The following OPN5 variants were observed in gnomAD, a reference collection of about 807,000 sequenced individuals.
The protein encoded by OPN5 is opsin-5.
A neutral mutation model predicts 41.7 loss-of-function variants in OPN5; 18 were observed. That is an observed-to-expected ratio of 0.43 (90% CI 0.30 to 0.64). The LOEUF is 0.64. Ranked by LOEUF, OPN5 falls within the 30% of genes least tolerant of loss-of-function variation. The pLI, the probability that OPN5 is intolerant of heterozygous loss-of-function variation, is 0.13. For synonymous variants in OPN5, 178 were observed against 164.3 expected (o/e 1.08, Z -0.64); for missense variants, 318 against 434.5 (o/e 0.73, Z 2.38).
intron 4 of OPN5, among the ~76,000 whole-genome samples, chr6:47,803,048 T>C (rs1475353304): frequency 1.3e-5 from 2 of 152,126 alleles, no homozygotes; most frequent in African/African-American, 4.8e-5. Context: ...ATGTCAGAAA[T>C]TTTTTCTTTA....
rs74397847 is a variant in OPN5 at position 47,818,733 on chromosome 6, T to C, written c.1057-5250T>C. On this transcript the variant is annotated intron_variant, in intron 6 of 6. Transcript: ENST00000371211. ...CTATTTTCGGTATTGTTAGATGAGA[T>C]ACCTCGGCAGGCATGGAAAATCAGC... 2.4e-4 allele frequency among the ~76,000 whole-genome samples: 37 copies of C among 152,246 alleles called. 1 individual carries two copies. The East Asian group carries it at 4.8e-3, about 20-fold the overall frequency.
chr6:47,800,156 G>A (rs1023545812), intron 4 of OPN5, among the ~76,000 whole-genome samples: 1 of 152,156 alleles, frequency 6.6e-6, no homozygotes, highest in African/African-American at 2.4e-5. Flanking sequence ...GGTCCTTCCT[G>A]CCTGCTGCAC....
chr6:47,822,024 A>T (rs1581766394), intron 6 of OPN5, among the ~76,000 whole-genome samples: 1 of 151,822 alleles, frequency 6.6e-6, no homozygotes, highest in East Asian at 1.9e-4. Context: ...AGGCAGGAGA[A>T]TCGCTTGAAC....
At chr6:47,819,655 C>A (rs1193354301) in intron 6 of OPN5, among the ~76,000 whole-genome samples, 1 of 151,838 alleles carries the variant, frequency 6.6e-6, no homozygotes, top group Non-Finnish European at 1.5e-5. Flanking sequence ...TTAAGTTCTG[C>A]ACTTCAGAAT....
intron 4 of OPN5, among the ~76,000 whole-genome samples, 185 bp from the exon 5 acceptor site, chr6:47,807,969 C>T (rs1053742578): frequency 6.6e-6 from 1 of 151,170 alleles, no homozygotes; most frequent in Non-Finnish European, 1.5e-5. Context: ...AAATTGTAAT[C>T]ACTTCTTTTG....
intron 4 of OPN5, among the ~76,000 whole-genome samples, chr6:47,799,623 C>G (rs1043817012): frequency 5.3e-5 from 8 of 152,216 alleles, no homozygotes; most frequent in Admixed American, 3.9e-4. Context: ...CGCTGCAACC[C>G]TTCCGGTGCA....
chr6:47,825,599 G>A (rs1449159395), downstream of OPN5: 4 of 152,172 alleles, frequency 2.6e-5, no homozygotes, highest in Admixed American at 2.6e-4. Flanking sequence ...TCCATTGAAT[G>A]TTTGGTGATT....
At chr6:47,812,778 A>G (rs1762291622) in intron 6 of OPN5, among the ~76,000 whole-genome samples, 1 of 152,106 alleles carries the variant, frequency 6.6e-6, no homozygotes, top group African/African-American at 2.4e-5. Context: ...TATGAACTTA[A>G]GCCTTGCTCA....
intron 2 of OPN5, among the ~76,000 whole-genome samples, chr6:47,787,952 G>C (rs779882803): frequency 1.3e-5 from 2 of 152,056 alleles, no homozygotes; most frequent in African/African-American, 4.8e-5. Flanking sequence ...TTTTTCTGCC[G>C]ATCTCTAAAA....
At chr6:47,800,885 TA>T (rs1452705884) in intron 4 of OPN5, among the ~76,000 whole-genome samples, 22 of 152,214 alleles carry the variant, frequency 1.4e-4, no homozygotes, top group African/African-American at 5.3e-4. Context: ...TTTTTCTAAA[TA>T]TTATTATGCT....
intron 4 of OPN5, among the ~76,000 whole-genome samples, chr6:47,800,757 TCA>T (rs2113973071): frequency 1.3e-5 from 2 of 152,256 alleles, no homozygotes; most frequent in South Asian, 4.2e-4. Context: ...TAAAGGAAAG[TCA>T]AGATGGGGGT....
intron 6 of OPN5, among the ~76,000 whole-genome samples, chr6:47,816,682 G>A (rs567408845): frequency 1.3e-5 from 2 of 151,988 alleles, no homozygotes; most frequent in South Asian, 2.1e-4. Context: ...TCAAACTCAG[G>A]TGCCGTCATT....
At chr6:47,816,634 A>C (rs1309078667) in intron 6 of OPN5, among the ~76,000 whole-genome samples, 2 of 152,056 alleles carry the variant, frequency 1.3e-5, no homozygotes, top group East Asian at 3.9e-4. Flanking sequence ...CACAGCATAG[A>C]AGTTCAGAGT....
At chr6:47,805,917 G>A (rs188535955) in intron 4 of OPN5, among the ~76,000 whole-genome samples, 1 of 152,172 alleles carries the variant, frequency 6.6e-6, no homozygotes, top group East Asian at 1.9e-4. Flanking sequence ...GAGATTATAG[G>A]AAAGTCCAAT....
At chr6:47,818,977 T>A (rs905137999) in intron 6 of OPN5, among the ~76,000 whole-genome samples, 15 of 151,986 alleles carry the variant, frequency 9.9e-5, no homozygotes, top group Non-Finnish European at 2.1e-4. Context: ...CTGCTGCTGG[T>A]CCAAGCCCTG....
rs1363402346 is a variant in OPN5 at position 47,819,336 on chromosome 6, A to AAT, written c.1057-4631_1057-4630dup. Among the ~76,000 whole-genome samples, 25 of 24,306 alleles carry AAT rather than the reference A, an allele frequency of 1.0e-3. 3 individuals carry two copies. Among genetic ancestry groups the AAT allele is most frequent in the Admixed American group, 2.7e-3 (4 of 1,496 alleles). The allele number at this position is 24,306 out of a possible 152,430, so 15.9% of individuals were successfully genotyped here. Reference sequence around the variant, plus strand: ...TCTCTAAGTAATTCTGAAAATTAGGAATATATATATATATATAAAAAATAT... The same window carrying AAT: ...TCTCTAAGTAATTCTGAAAATTAGGAATATATATATATATATATAAAAAATAT... On this transcript the variant is annotated intron_variant, in intron 6 of 6. Coordinates refer to ENST00000371211, the Ensembl canonical transcript of OPN5.
At chr6:47,809,950 A>G (rs1774126844) in intron 5 of OPN5, among the ~76,000 whole-genome samples, 2 of 152,220 alleles carry the variant, frequency 1.3e-5, no homozygotes, top group Admixed American at 1.3e-4. Flanking sequence ...CGTGCCTCGT[A>G]ATTTTGCCTC....
chr6:47,796,245 T>A (rs1773566280), intron 4 of OPN5, among the ~76,000 whole-genome samples: 1 of 152,220 alleles, frequency 6.6e-6, no homozygotes, highest in Non-Finnish European at 1.5e-5. Context: ...CTCACTTGCA[T>A]AACAGGAATA....
At chr6:47,794,203 G>A (rs1018289980) in intron 3 of OPN5, among the ~76,000 whole-genome samples, 1 of 152,208 alleles carries the variant, frequency 6.6e-6, no homozygotes, top group African/African-American at 2.4e-5. Context: ...AGGCCTGACC[G>A]ACTTTCCAAA....
Sources: allele counts gnomAD v4.1 joint callset (sites outside exome capture counted in the v4.1 genomes callset), GRCh38; gene constraint gnomAD v4.1.1; transcripts MANE v1.5; gene names NCBI Gene and HGNC (gene_info 2026-07-23, HGNC 2026-07-21).